Variants in BACE2 observed in about 807,000 individuals in gnomAD.
The protein encoded by BACE2 is 56 kDa aspartic-like protease.
In BACE2, 17 loss-of-function variants were observed where a neutral mutation model predicts 46.2. The ratio of observed to expected loss-of-function variants is 0.37; its 90% CI spans 0.25 to 0.55. BACE2 has a LOEUF of 0.55. BACE2 is among the 20% of genes least tolerant of loss of function. The pLI is 0.82. For missense variants in BACE2, 595 were observed against 698.1 expected, an observed-to-expected ratio of 0.85 and a Z score of 1.66; for synonymous variants, 277 against 295.9, an observed-to-expected ratio of 0.94 and a Z score of 0.66.
intron 8 of BACE2, among the ~76,000 whole-genome samples, chr21:41,265,095 A>G (rs961476523): frequency 4.6e-5 from 7 of 150,690 alleles, no homozygotes; most frequent in African/African-American, 1.7e-4. Flanking sequence ...TTAAAAGGCT[A>G]GGTAATATTT....
chr21:41,229,268 G>A (rs1398614426), intron 2 of BACE2, among the ~76,000 whole-genome samples: 6 of 152,176 alleles, frequency 3.9e-5, no homozygotes, highest in Admixed American at 6.5e-5. Flanking sequence ...ACCAACACAC[G>A]TGGAGCTTGC....
At chr21:41,217,367 TTC>T (rs1601278621) in intron 1 of BACE2, among the ~76,000 whole-genome samples, 1 of 152,254 alleles carries the variant, frequency 6.6e-6, no homozygotes, top group East Asian at 1.9e-4. Context: ...AGCCCTAGTA[TTC>T]TCTGATTTGC....
chr21:41,183,739 A>G (rs943761263), intron 1 of BACE2: 2 of 167,108 alleles, frequency 1.2e-5, no homozygotes, highest in Non-Finnish European at 2.9e-5. Context: ...TACTTGAGCT[A>G]AGCAGCTCAC....
chr21:41,243,441 G>GT lies in BACE2; in HGVS notation c.814dup (p.Trp272LeufsTer18). 1 of 1,613,098 alleles carries GT rather than the reference G, an allele frequency of 6.2e-7. No individual in the cohort carries two copies. Among genetic ancestry groups the GT allele is most frequent in the Non-Finnish European group, 8.5e-7 (1 of 1,179,450 alleles). ...TCTGGTATACCCCTATTAAGGAAGA[G>GT]TGGTACTACCAGATAGAAATTCTGA... is the stretch of plus-strand genomic sequence containing the variant. On this transcript the variant is annotated frameshift_variant, in exon 5 of 9. Transcript: ENST00000330333. LOFTEE classifies it high-confidence loss of function.
At chr21:41,243,984 G>C (rs567201717) in intron 5 of BACE2, among the ~76,000 whole-genome samples, 73 of 152,316 alleles carry the variant, frequency 4.8e-4, no homozygotes, top group Non-Finnish European at 7.3e-4. Flanking sequence ...CGGTCATGCT[G>C]TATAGATGTG....
chr21:41,202,742 C>T (rs1264593365), intron 1 of BACE2, among the ~76,000 whole-genome samples: 2 of 152,192 alleles, frequency 1.3e-5, no homozygotes, highest in African/African-American at 4.8e-5. Flanking sequence ...GACAGCAGTG[C>T]GGTCACTGAG....
intron 6 of BACE2, among the ~76,000 whole-genome samples, chr21:41,247,008 CA>C (rs1987489200): frequency 6.6e-6 from 1 of 152,188 alleles, no homozygotes; most frequent in African/African-American, 2.4e-5. Context: ...TGAGTGTTCT[CA>C]TAGCATCTGG....
At chr21:41,172,478 C>T (rs189742040) in intron 1 of BACE2, among the ~76,000 whole-genome samples, 42 of 152,180 alleles carry the variant, frequency 2.8e-4, no homozygotes, top group African/African-American at 9.7e-4. Context: ...ACAGGGTAAC[C>T]GAGGCTTGGA....
chr21:41,270,136 T>C (rs1244448530), intron 8 of BACE2, among the ~76,000 whole-genome samples: 2 of 152,236 alleles, frequency 1.3e-5, no homozygotes, highest in Non-Finnish European at 2.9e-5. Context: ...ATGCATCTTT[T>C]TAAATGAAAT....
intron 3 of BACE2, among the ~76,000 whole-genome samples, chr21:41,241,446 A>G (rs911235338): frequency 3.9e-5 from 6 of 152,102 alleles, no homozygotes; most frequent in Admixed American, 1.3e-4. Context: ...GCTCCTAGAG[A>G]AACTCTTCTC....
In BACE2 at chr21:41,247,678, C is replaced by T. The variant is rs537307656; in HGVS notation, c.984+1615C>T. ...CGGGGCGGCGGGGCCGTGGGGCGCT[C>T]GCACTCCCGAGCTCATCGTGGCATG... On this transcript the variant is annotated intron_variant, in intron 6 of 8. Transcript: ENST00000330333. Among the ~76,000 whole-genome samples, 189 of 152,360 alleles carry T rather than the reference C, an allele frequency of 1.2e-3. 1 individual carries two copies. The highest frequency in any genetic ancestry group is 4.3e-3 in the African/African-American group (178 of 41,582).
At chr21:41,270,477 C>T (rs555617473) in intron 8 of BACE2, among the ~76,000 whole-genome samples, 1 of 152,170 alleles carries the variant, frequency 6.6e-6, no homozygotes, top group South Asian at 2.1e-4. Flanking sequence ...AGTACAGTAG[C>T]GTGAGCATAG....
chr21:41,200,212 AC>A (rs372577889), intron 1 of BACE2, among the ~76,000 whole-genome samples: 11,686 of 151,218 alleles, frequency 0.077, 457 homozygotes, highest in East Asian at 0.095. Context: ...CAAAAAAAAA[AC>A]CCAAAACCTC....
In BACE2 at chr21:41,250,914, A is replaced by G; in HGVS notation, c.1134+13A>G. On this transcript the variant is annotated intron_variant, in intron 7 of 8. Transcript: ENST00000330333. Reference sequence around the variant, plus strand: ...AATCCTGCCTCAGGTATGAACTTGGATTTGTGCTTTGCTCTTTTTATCATG... The same window carrying G: ...AATCCTGCCTCAGGTATGAACTTGGGTTTGTGCTTTGCTCTTTTTATCATG... 2 of 1,613,358 alleles carry G rather than the reference A, an allele frequency of 1.2e-6. No individual in the cohort carries two copies.
intron 2 of BACE2, among the ~76,000 whole-genome samples, chr21:41,229,112 G>C (rs1986903742): frequency 6.6e-6 from 1 of 152,144 alleles, no homozygotes; most frequent in South Asian, 2.1e-4. Context: ...ACTTCCCCTA[G>C]GGGACAGGAC....
At chr21:41,211,739 CTATT>C (rs1377108419) in intron 1 of BACE2, among the ~76,000 whole-genome samples, 1 of 152,260 alleles carries the variant, frequency 6.6e-6, no homozygotes, top group Non-Finnish European at 1.5e-5. Flanking sequence ...ATTTTCCTAT[CTATT>C]AACCTGCTGA....
chr21:41,269,156 G>A (rs1034636602), intron 8 of BACE2, among the ~76,000 whole-genome samples: 2 of 152,004 alleles, frequency 1.3e-5, no homozygotes, highest in Admixed American at 1.3e-4. Flanking sequence ...GTTTCTCCAT[G>A]TTGGTCAAGC....
At chr21:41,267,814 C>T (rs1208990067) in intron 8 of BACE2, among the ~76,000 whole-genome samples, 1 of 152,120 alleles carries the variant, frequency 6.6e-6, no homozygotes, top group Non-Finnish European at 1.5e-5. Flanking sequence ...GGCTCTGGGT[C>T]CAGAACCCCT....
At chr21:41,185,836 C>T (rs146548176) in intron 1 of BACE2, among the ~76,000 whole-genome samples, 29 of 152,294 alleles carry the variant, frequency 1.9e-4, no homozygotes, top group Middle Eastern at 3.4e-3. Flanking sequence ...CATAGAACAA[C>T]GTGACAACGT....
Sources: allele counts gnomAD v4.1 joint callset (sites outside exome capture counted in the v4.1 genomes callset), GRCh38; gene constraint gnomAD v4.1.1; transcripts MANE v1.5; gene names NCBI Gene and HGNC (gene_info 2026-07-23, HGNC 2026-07-21).